SH2B1: variants seen among roughly 807,000 people sequenced by gnomAD.
The protein encoded by SH2B1 is SH2B adapter protein 1.
In SH2B1, 15 loss-of-function variants were observed where a neutral mutation model predicts 62.6. The observed-to-expected ratio is 0.24, with a 90% CI of 0.16 to 0.37. The LOEUF is 0.37. Among genes scored for constraint, SH2B1 ranks in the 10% least tolerant of loss-of-function variants. The probability of loss-of-function intolerance (pLI) is 1.00; values close to 1 mark genes in which losing one functional copy is unlikely to be tolerated. For missense variants in SH2B1, 925 were observed against 1,015.6 expected (o/e 0.91, Z 1.21); for synonymous variants, 443 against 438.0 (o/e 1.01, Z -0.14).
chr16:28,854,728 C>A (rs1410120491), intron 1 of SH2B1, among the ~76,000 whole-genome samples: 3 of 152,212 alleles, frequency 2.0e-5, no homozygotes, highest in African/African-American at 7.2e-5. Flanking sequence ...TGCACTTTTG[C>A]CTGGGTAACA....
At chr16:28,863,596 C>A, upstream of SH2B1, 1 of 1,353,144 alleles carries the variant, frequency 7.4e-7, no homozygotes, top group Non-Finnish European at 1.0e-6. Context: ...CCCCTTTGTC[C>A]CGAATTTCCT....
Position 28,869,105 on chromosome 16 carries a change from G to GCCTGACTTCTGC in SH2B1, c.1133+19_1133+20insCCCTGACTTCTG. ...AGAATGCCTGAGCCCAGGGTGAGAA[G>GCCTGACTTCTGC]CCTGACTTCTGTCGCTAAGGGACAT... On this transcript the variant is annotated intron_variant, in intron 3 of 7. Coordinates refer to ENST00000684370, the MANE Select transcript of SH2B1 (RefSeq NM_001387430.1). 1 of 1,614,052 alleles carries GCCTGACTTCTGC rather than the reference G, an allele frequency of 6.2e-7. No homozygotes were observed. Among genetic ancestry groups the GCCTGACTTCTGC allele is most frequent in the Non-Finnish European group, 8.5e-7 (1 of 1,179,902 alleles).
rs561521722 is a variant in SH2B1 at position 28,872,716 on chromosome 16, C to A, written c.1897+11C>A. ...CCCAGCGACAGCAGGGTGAGCAGAGCAGGTCTGCAGGGGAGGAGGTGCCCG... is the reference window on the plus strand; with the variant it reads ...CCCAGCGACAGCAGGGTGAGCAGAGAAGGTCTGCAGGGGAGGAGGTGCCCG... On this transcript the variant is annotated intron_variant, in intron 7 of 7. Transcript: ENST00000684370. The surrounding 1 kb of genome is among the most constrained non-coding windows in gnomAD (Gnocchi z 5.3). 6.2e-7 allele frequency: 1 copy of A among 1,614,014 alleles called. No individual in the cohort carries two copies. Among genetic ancestry groups the A allele is most frequent in the East Asian group, 2.2e-5 (1 of 44,864 alleles).
At chr16:28,850,878 A>AG (rs1403646528) in intron 1 of SH2B1, among the ~76,000 whole-genome samples, 3 of 146,406 alleles carry the variant, frequency 2.0e-5, no homozygotes, top group Non-Finnish European at 4.5e-5. Flanking sequence ...AAAAAAAAAA[A>AG]AGGAAATTAA....
In SH2B1 at chr16:28,873,564, C is replaced by T. The variant is rs757296226; in HGVS notation, c.2015C>T (p.Ala672Val). 11 of 1,597,198 alleles carry T rather than the reference C, an allele frequency of 6.9e-6. No individual in the cohort carries two copies. The South Asian group carries it at 1.1e-4, about 16-fold the overall frequency. Residue 672 changes from alanine (A) to valine (V), a missense_variant, in exon 8 of 8, where the codon GCA becomes GTA. Coordinates refer to ENST00000684370, the MANE Select transcript of SH2B1 (RefSeq NM_001387430.1). The surrounding 1 kb of genome is among the most constrained non-coding windows in gnomAD (Gnocchi z 4.2). The stretch of plus-strand genomic sequence containing the variant: ...CCAGAAGTGGCGGCAGCAGCAGCCG[C>T]AGCAGCCAAAGAGAGGCAAGAGAAA... ...RAPEVAAAAA[A>V]AAKERQEKEK...
At chr16:28,863,717 G>A, upstream of SH2B1, 1 of 1,535,818 alleles carries the variant, frequency 6.5e-7, no homozygotes, top group Non-Finnish European at 8.7e-7. Context: ...ACCGTCTTCG[G>A]TCTCCTGGGG....
chr16:28,868,507 G>A (rs985420006), intron 2 of SH2B1, among the ~76,000 whole-genome samples: 1 of 150,616 alleles, frequency 6.6e-6, no homozygotes, highest in Non-Finnish European at 1.5e-5. Flanking sequence ...CTCCCAGGCT[G>A]GAGTTGAAGT....
intron 4 of SH2B1, among the ~76,000 whole-genome samples, chr16:28,871,057 G>A (rs1280180008): frequency 5.3e-5 from 8 of 149,704 alleles, no homozygotes; most frequent in Non-Finnish European, 7.4e-5. Flanking sequence ...TTGCTCTGTC[G>A]CCCAGGCTGC....
Position 28,863,906 on chromosome 16 carries a change from G to A in SH2B1, c.-2189G>A. On this transcript the variant is annotated 5_prime_UTR_variant, in exon 1 of 8. Coordinates refer to ENST00000684370, the MANE Select transcript of SH2B1 (RefSeq NM_001387430.1). Reference sequence around the variant, plus strand: ...GCAGGGAGCGGGAGCCGCCGCCGCCGCCGCCGCCGCCGGAGCTAACCTCGG... The same window carrying A: ...GCAGGGAGCGGGAGCCGCCGCCGCCACCGCCGCCGCCGGAGCTAACCTCGG... The A allele has an allele frequency of 1.4e-6, 2 of 1,480,864 alleles. No homozygotes were observed. Among genetic ancestry groups the A allele is most frequent in the South Asian group, 1.3e-5 (1 of 78,862 alleles). The allele number at this position is 1,480,864 out of a possible 1,614,324, so 91.7% of individuals were successfully genotyped here. A position where few individuals can be genotyped will look rare whatever the true frequency, so the allele number is the denominator to read the frequency against.
intron 1 of SH2B1, among the ~76,000 whole-genome samples, chr16:28,852,878 T>TTA (rs373857735): frequency 0.011 from 485 of 44,960 alleles, 80 homozygotes; most frequent in Non-Finnish European, 0.012. Context: ...ATATATATTT[T>TTA]TATATATATT....
intron 1 of SH2B1, among the ~76,000 whole-genome samples, chr16:28,851,552 C>T (rs368592532): frequency 1.1e-4 from 15 of 133,120 alleles, no homozygotes; most frequent in Non-Finnish European, 2.0e-4. Flanking sequence ...CTCCGCCTCC[C>T]GGGTTAAAGC....
intron 4 of SH2B1, among the ~76,000 whole-genome samples, chr16:28,869,942 G>GT (rs1962941442): frequency 6.6e-6 from 1 of 152,208 alleles, no homozygotes; most frequent in Non-Finnish European, 1.5e-5. Flanking sequence ...CTAGCACACA[G>GT]GCTGTATTCA....
chr16:28,852,188 AT>A (rs976201016), intron 1 of SH2B1, among the ~76,000 whole-genome samples: 2 of 133,916 alleles, frequency 1.5e-5, no homozygotes, highest in Non-Finnish European at 1.5e-5. Context: ...AAATATATAT[AT>A]TTTTATTTAT....
Position 28,858,577 on chromosome 16 carries a change from A to T in SH2B1, c.-300-3041A>T, listed in dbSNP as rs776890123. On this transcript the variant is annotated intron_variant, in intron 1 of 10. Coordinates refer to the SH2B1 transcript ENST00000322610. ...GTAACAGACATTTCTATGACTCAGG[A>T]AATTCCAAGTGTTTTGGAAGCTCTA... Among the ~76,000 whole-genome samples, 10 of 152,084 alleles carry T rather than the reference A, an allele frequency of 6.6e-5. No homozygotes were observed. The East Asian group carries it at 1.4e-3, about 21-fold the overall frequency.
chr16:28,858,920 G>A (rs1424875458), upstream of SH2B1, among the ~76,000 whole-genome samples: 3 of 150,678 alleles, frequency 2.0e-5, no homozygotes, highest in African/African-American at 7.3e-5. Context: ...CTCCAGCCTG[G>A]GTGACACAGC....
At chr16:28,859,877 C>G (rs976317217), upstream of SH2B1, among the ~76,000 whole-genome samples, 4 of 113,946 alleles carry the variant, frequency 3.5e-5, no homozygotes, top group Non-Finnish European at 8.1e-5. Context: ...GACCCCCCCC[C>G]CCCGGCTGTT....
At chr16:28,861,129 G>A (rs981577251), upstream of SH2B1, among the ~76,000 whole-genome samples, 1 of 146,604 alleles carries the variant, frequency 6.8e-6, no homozygotes, top group Non-Finnish European at 1.5e-5. Flanking sequence ...GAGCCACCAT[G>A]CCCAGCACTT....
chr16:28,873,469 A>AC lies in SH2B1; in HGVS notation c.1924dup (p.Gln642ProfsTer4). On this transcript the variant is annotated frameshift_variant, in exon 8 of 8. Coordinates refer to ENST00000684370, the MANE Select transcript of SH2B1 (RefSeq NM_001387430.1). LOFTEE classifies it high-confidence loss of function. This position sits in a 1 kb window ranked among gnomAD's most constrained non-coding sequence, Gnocchi z 4.2. ...CAGAACCGACCACCTCCCATGACCC[A>AC]CCCCAGCCCCCTGAACCCCCTTCAT... 6.4e-7 allele frequency: 1 copy of AC among 1,556,870 alleles called. No individual in the cohort carries two copies. The highest frequency in any genetic ancestry group is 1.2e-5 in the South Asian group (1 of 84,902).
upstream of SH2B1, chr16:28,862,239 C>T (rs1055282302): frequency 1.3e-5 from 2 of 152,182 alleles, no homozygotes; most frequent in African/African-American, 4.8e-5. Context: ...CTTCTTAGCT[C>T]CAGACTATAT....
Sources: allele counts gnomAD v4.1 joint callset (sites outside exome capture counted in the v4.1 genomes callset), GRCh38; gene constraint gnomAD v4.1.1; non-coding constraint Gnocchi (gnomAD v3.1); transcripts MANE v1.5; gene names NCBI Gene and HGNC (gene_info 2026-07-23, HGNC 2026-07-21).